Variants in ANTXRL observed in about 807,000 individuals in gnomAD.
ANTXRL encodes the protein anthrax toxin receptor-like.
ANTXRL carries 63 observed loss-of-function variants against 75.4 expected under a neutral mutation model. That is an observed-to-expected ratio of 0.84 (90% confidence interval 0.68 to 1.03). The LOEUF is 1.03. ANTXRL is among the 50% of genes least tolerant of loss of function. ANTXRL has a pLI of 0.00. For missense variants in ANTXRL, 797 were observed against 789.4 expected (o/e 1.01, Z -0.12); for synonymous variants, 335 against 291.3 (o/e 1.15, Z -1.53).
chr10:46,326,879 G>C lies in ANTXRL; in HGVS notation c.1411-2720G>C, dbSNP rs544756902. Among the ~76,000 whole-genome samples, 10 of 152,266 alleles carry C rather than the reference G, an allele frequency of 6.6e-5. 1 individual carries two copies. In the South Asian group the frequency reaches 1.9e-3, roughly 28 times the overall value. On this transcript the variant is annotated intron_variant, in intron 16 of 16. Coordinates refer to ENST00000620264, the MANE Select transcript of ANTXRL (RefSeq NM_001278688.3). The stretch of plus-strand genomic sequence containing the variant: ...GCCCATAGACTCTCTGGTCGCTCTT[G>C]CTCTGGGTACGGCCTTGAGCTTTGT...
rs1451622559 is a variant in ANTXRL at position 46,296,110 on chromosome 10, C to G, written c.474+10C>G. ...GGCAGGATTTAGAAAGGTATAGACC[C>G]CTTGATCTCCTAACCCTAACCCTAA... On this transcript the variant is annotated intron_variant, in intron 4 of 16. Transcript: ENST00000620264. 6.5e-7 allele frequency: 1 copy of G among 1,535,232 alleles called. No homozygotes were observed. Among genetic ancestry groups the G allele is most frequent in the Non-Finnish European group, 8.7e-7 (1 of 1,146,608 alleles).
intron 16 of ANTXRL, among the ~76,000 whole-genome samples, chr10:46,316,647 C>T (rs563166019): frequency 6.6e-6 from 1 of 152,264 alleles, no homozygotes; most frequent in Admixed American, 6.5e-5. Flanking sequence ...TCAGGTTCCA[C>T]CCCATGTCCT....
Position 46,310,500 on chromosome 10 carries a change from G to T in ANTXRL, c.1173+1G>T, listed in dbSNP as rs573718002. The T allele has an allele frequency of 6.5e-7, 1 of 1,536,232 alleles. No homozygotes were observed. Among genetic ancestry groups the T allele is most frequent in the East Asian group, 2.4e-5 (1 of 40,906 alleles). ...ACCACCTGTGCAGAAGCCAGAAAAG[G>T]TAAGTTGCAGTTCTGGTCCCGATAT... On this transcript the variant is annotated splice_donor_variant, in intron 14 of 16. Coordinates refer to ENST00000620264, the MANE Select transcript of ANTXRL (RefSeq NM_001278688.3). LOFTEE classifies it high-confidence loss of function.
At chr10:46,290,045 C>CTTTTTTTTTTTTTTT (rs34276033) in intron 1 of ANTXRL, among the ~76,000 whole-genome samples, 2 of 119,670 alleles carry the variant, frequency 1.7e-5, no homozygotes, top group African/African-American at 6.4e-5. Context: ...TTTTCTTTAT[C>CTTTTTTTTTTTTTTT]TTTTTTTTTT....
intron 16 of ANTXRL, among the ~76,000 whole-genome samples, chr10:46,314,324 G>T (rs1413960064): frequency 2.6e-5 from 4 of 152,126 alleles, no homozygotes; most frequent in Non-Finnish European, 5.9e-5. Flanking sequence ...CTCAATCCCA[G>T]CCATGCTTGC....
At chr10:46,299,785 G>A (rs1257505028) in intron 9 of ANTXRL, among the ~76,000 whole-genome samples, 2 of 152,182 alleles carry the variant, frequency 1.3e-5, no homozygotes, top group Non-Finnish European at 2.9e-5. Flanking sequence ...GAGTCCAAAG[G>A]CACTGGGCTG....
In ANTXRL at chr10:46,287,351, T is replaced by C; in HGVS notation, c.89T>C (p.Leu30Pro). ...LPPPLFRAGS[L>P]RYHGPDWRIF... ...CCACCGCTTTTTAGAGCAGGAAGCC[T>C]TCGGTACCATGGACCTGACTGGAGA... Residue 30 changes from leucine to proline, a missense_variant, in exon 1 of 17, where the codon CTT (leucine) becomes CCT (proline). Leu to Pro is a moderately conservative substitution (Grantham distance 98). This residue lies in a region of ANTXRL where 262 missense variants were observed against 271.9 expected (regional missense o/e 0.96). Coordinates refer to ENST00000620264, the MANE Select transcript of ANTXRL (RefSeq NM_001278688.3). The C allele has an allele frequency of 6.5e-7, 1 of 1,536,040 alleles. No homozygotes were observed. The highest frequency in any genetic ancestry group is 8.7e-7 in the Non-Finnish European group (1 of 1,146,778).
chr10:46,319,600 G>C (rs1838887918), intron 16 of ANTXRL, among the ~76,000 whole-genome samples: 1 of 152,104 alleles, frequency 6.6e-6, no homozygotes, highest in African/African-American at 2.4e-5. Flanking sequence ...CTTTGTTCAG[G>C]GTGTACAGGC....
rs1838354516 is a variant in ANTXRL, at chr10:46,310,453, C to T, written c.1135-8C>T. The T allele has an allele frequency of 6.5e-7, 1 of 1,536,168 alleles. No homozygotes were observed. The highest frequency in any genetic ancestry group is 2.0e-5 in the Admixed American group (1 of 50,968). The stretch of plus-strand genomic sequence containing the variant: ...CCAGCCTGTGTTTGTCTCTTTTGAA[C>T]ATTCTAGACTGTCAAGGAGCCACCA... On this transcript the variant is annotated splice_region_variant and splice_polypyrimidine_tract_variant and intron_variant, in intron 13 of 16. Transcript: ENST00000620264.
At chr10:46,318,888 A>G (rs1000414541) in intron 16 of ANTXRL, among the ~76,000 whole-genome samples, 3 of 152,166 alleles carry the variant, frequency 2.0e-5, no homozygotes, top group Non-Finnish European at 4.4e-5. Flanking sequence ...TTCCAGGGCT[A>G]CCACAGGGTC....
chr10:46,325,852 G>A (rs1554966343), intron 16 of ANTXRL, among the ~76,000 whole-genome samples: 1 of 151,942 alleles, frequency 6.6e-6, no homozygotes, highest in East Asian at 1.9e-4. Flanking sequence ...TCCTCCTCAG[G>A]TCCACCCCAT....
At chr10:46,327,343 G>C (rs782726585) in intron 16 of ANTXRL, among the ~76,000 whole-genome samples, 1 of 152,078 alleles carries the variant, frequency 6.6e-6, no homozygotes, top group African/African-American at 2.4e-5. Flanking sequence ...ATGGTCCTGG[G>C]AGGACTAGAT....
At chr10:46,321,559 G>A (rs1838978028) in intron 16 of ANTXRL, among the ~76,000 whole-genome samples, 1 of 152,106 alleles carries the variant, frequency 6.6e-6, no homozygotes, top group African/African-American at 2.4e-5. Context: ...CTTCCAATGA[G>A]GTTCAAAGCA....
At chr10:46,297,777 C>T in intron 7 of ANTXRL, 54 bp from the exon 8 acceptor site, 1 of 1,454,754 alleles carries the variant, frequency 6.9e-7, no homozygotes, top group Non-Finnish European at 9.3e-7. Flanking sequence ...GGCCGGGGGT[C>T]TGCTGCATCC....
At chr10:46,297,658 G>A (rs1554959283) in intron 7 of ANTXRL, among the ~76,000 whole-genome samples, 173 bp from the exon 8 acceptor site, 2 of 152,116 alleles carry the variant, frequency 1.3e-5, no homozygotes, top group Non-Finnish European at 2.9e-5. Context: ...GGGGAGGGTG[G>A]AAGAGCTCCC....
At chr10:46,302,483 A>G (rs1746763502) in intron 9 of ANTXRL, among the ~76,000 whole-genome samples, 1 of 152,104 alleles carries the variant, frequency 6.6e-6, no homozygotes, top group Non-Finnish European at 1.5e-5. Context: ...TGGTTCAGGA[A>G]TGGTAGGGAG....
At chr10:46,294,474 A>G (rs12572134) in intron 3 of ANTXRL, among the ~76,000 whole-genome samples, 61,177 of 151,816 alleles carry the variant, frequency 0.4, 12,106 homozygotes, top group Non-Finnish European at 0.48. Flanking sequence ...CCCAGCAGGG[A>G]GCACAGCAGA....
At chr10:46,308,245 C>T (rs1224878811) in intron 12 of ANTXRL, among the ~76,000 whole-genome samples, 10 of 152,270 alleles carry the variant, frequency 6.6e-5, no homozygotes, top group African/African-American at 9.6e-5. Context: ...GCTGAATGCA[C>T]GCATTCCCCA....
intron 2 of ANTXRL, among the ~76,000 whole-genome samples, chr10:46,293,281 AGT>A (rs1565014599): frequency 8.4e-6 from 1 of 119,262 alleles, no homozygotes; most frequent in Admixed American, 8.2e-5. Flanking sequence ...CGTGTGTGAG[AGT>A]GTGTGCGTGT....
Sources: gnomAD v4.1 joint callset for allele counts (sites outside exome capture counted in the v4.1 genomes callset) on GRCh38, gnomAD v4.1.1 for gene constraint, gnomAD v4.1.1 regional missense constraint, MANE v1.5 for transcripts, NCBI Gene and HGNC (gene_info 2026-07-23, HGNC 2026-07-21) for gene names.